Variants in IL4R observed in about 807,000 individuals in gnomAD.
The protein encoded by IL4R is interleukin-4 receptor subunit alpha.
IL4R carries 17 observed loss-of-function variants against 41.5 expected under a neutral mutation model. The ratio of observed to expected loss-of-function variants is 0.41; its 90% CI spans 0.28 to 0.61. The LOEUF is 0.61. Among genes scored for constraint, IL4R ranks in the 20% least tolerant of loss-of-function variants. The probability of loss-of-function intolerance (pLI) is 0.31; values close to 1 mark genes in which losing one functional copy is unlikely to be tolerated. For synonymous variants in IL4R, 402 were observed against 422.9 expected (o/e 0.95, Z 0.61); for missense variants, 974 against 1,043.1 (o/e 0.93, Z 0.91).
intron 10 of IL4R, 82 bp from the exon 11 acceptor site, chr16:27,362,150 AGACAGCCATCAGGACATGGT>A (rs2086317326): frequency 1.8e-6 from 2 of 1,088,824 alleles, no homozygotes; most frequent in Non-Finnish European, 2.7e-6. Flanking sequence ...TGTCTGAAGT[AGACAGCCATCAGGACATGGT>A]GATTTCAGGC....
chr16:27,340,553 T>A (rs2085408788), intron 3 of IL4R, among the ~76,000 whole-genome samples: 1 of 151,802 alleles, frequency 6.6e-6, no homozygotes, highest in Non-Finnish European at 1.5e-5. Flanking sequence ...GGAGACCTTG[T>A]CTCTACAAAT....
chr16:27,329,540 G>A (rs2085054857), intron 1 of IL4R, among the ~76,000 whole-genome samples: 1 of 151,892 alleles, frequency 6.6e-6, no homozygotes, highest in Non-Finnish European at 1.5e-5. Flanking sequence ...AGTTGGGTGT[G>A]GTGGCACACA....
At chr16:27,361,856 G>A (rs2086300864) in intron 10 of IL4R, among the ~76,000 whole-genome samples, 1 of 152,126 alleles carries the variant, frequency 6.6e-6, no homozygotes, top group Non-Finnish European at 1.5e-5. Flanking sequence ...CTGAGCTCAA[G>A]CGATCCTCCC....
At position 27,346,347 on chromosome 16, in the gene IL4R, G is replaced by A. The variant is rs2085642926; in HGVS notation, c.362-120G>A. 4 of 785,448 alleles carry A rather than the reference G, an allele frequency of 5.1e-6. No individual in the cohort carries two copies. In the Admixed American group the frequency reaches 6.6e-5, roughly 13 times the overall value. 48.7% of individuals were successfully genotyped at this position (785,448 alleles called of 1,614,324 possible). ...AATCTGTGTGGTGCTCCAGAAGTAT[G>A]CTATGGAGGTTTTGTCGACCAAAAA... On this transcript the variant is annotated intron_variant, in intron 5 of 10. Transcript: ENST00000395762.
At chr16:27,336,559 T>C (rs903927717) in intron 2 of IL4R, among the ~76,000 whole-genome samples, 1 of 151,366 alleles carries the variant, frequency 6.6e-6, no homozygotes, top group Non-Finnish European at 1.5e-5. Context: ...ACATCTGTGG[T>C]CCCAGCTACT....
At chr16:27,338,921 T>A (rs1004939024) in intron 2 of IL4R, among the ~76,000 whole-genome samples, 8 of 152,198 alleles carry the variant, frequency 5.3e-5, no homozygotes, top group African/African-American at 1.9e-4. Flanking sequence ...TGACGCGATC[T>A]CGACTCACTG....
chr16:27,342,480 G>A lies in IL4R; in HGVS notation c.209+221G>A, dbSNP rs114906480. Among the ~76,000 whole-genome samples, 1,108 of 152,204 alleles carry A rather than the reference G, an allele frequency of 7.3e-3. 13 individuals are homozygous for A. Among genetic ancestry groups the A allele is most frequent in the African/African-American group, 0.025 (1,040 of 41,490 alleles). On this transcript the variant is annotated intron_variant, in intron 4 of 10. Coordinates refer to ENST00000395762, the MANE Select transcript of IL4R (RefSeq NM_000418.4). Reference sequence around the variant, plus strand: ...TTGGTCCACGTGGCACATGGATACGGCTGGAATACTGGACTAGACCAGCAG... The same window carrying A: ...TTGGTCCACGTGGCACATGGATACGACTGGAATACTGGACTAGACCAGCAG...
intron 10 of IL4R, among the ~76,000 whole-genome samples, chr16:27,361,293 C>T (rs2086275538): frequency 6.6e-6 from 1 of 152,048 alleles, no homozygotes; most frequent in African/African-American, 2.4e-5. Context: ...TGTGCATTAC[C>T]ACGCCTGGCT....
intron 2 of IL4R, chr16:27,334,464 G>A (rs916031548): frequency 1.3e-5 from 2 of 152,114 alleles, no homozygotes; most frequent in East Asian, 3.9e-4. Context: ...TATCAATCCT[G>A]ACGCCATGCT....
chr16:27,340,286 T>C lies in IL4R; in HGVS notation c.70+13T>C, dbSNP rs2085399398. ...GTGGCAAGCTCTGGTAAGTCACCAC[T>C]TCTCAATCATTCATTTGTTGGCTAT... On this transcript the variant is annotated intron_variant, in intron 3 of 10. Transcript: ENST00000395762. The C allele has an allele frequency of 6.2e-7, 1 of 1,603,432 alleles. No homozygotes were observed. The highest frequency in any genetic ancestry group is 8.5e-7 in the Non-Finnish European group (1 of 1,170,366).
At chr16:27,327,824 T>C (rs9673499) in intron 1 of IL4R, among the ~76,000 whole-genome samples, 45,427 of 151,928 alleles carry the variant, frequency 0.3, 7,086 homozygotes, top group East Asian at 0.54. Flanking sequence ...TTGATTAATA[T>C]ATTGTAAGTA....
chr16:27,348,445 T>A (rs995743124), intron 6 of IL4R, among the ~76,000 whole-genome samples: 2 of 152,340 alleles, frequency 1.3e-5, no homozygotes, highest in African/African-American at 2.4e-5. Flanking sequence ...TATTTCTAGA[T>A]CTGCCTTCAG....
At chr16:27,341,371 A>T (rs573260635) in intron 3 of IL4R, 8 of 595,596 alleles carry the variant, frequency 1.3e-5, no homozygotes, top group Non-Finnish European at 2.1e-5. Flanking sequence ...TAAGCTTGGA[A>T]TATTTATTTG....
chr16:27,350,923 G>A (rs1485180725), intron 6 of IL4R, among the ~76,000 whole-genome samples: 1 of 152,176 alleles, frequency 6.6e-6, no homozygotes, highest in Admixed American at 6.6e-5. Context: ...AAGCAAATGT[G>A]TGTGTTCAGT....
At chr16:27,344,840 C>A (rs1256558756) in intron 4 of IL4R, 29 bp from the exon 5 acceptor site, 3 of 1,612,196 alleles carry the variant, frequency 1.9e-6, no homozygotes, top group Non-Finnish European at 2.5e-6. Flanking sequence ...CTACAGGTGA[C>A]CAGCCTAACC....
At chr16:27,350,368 C>G (rs1164865621) in intron 6 of IL4R, among the ~76,000 whole-genome samples, 2 of 152,128 alleles carry the variant, frequency 1.3e-5, no homozygotes, top group Non-Finnish European at 2.9e-5. Flanking sequence ...CCCCACAACT[C>G]ACACCCCACC....
Position 27,363,614 on chromosome 16 carries a change from C to T in IL4R, c.2262C>T (p.Pro754=). Residue 754 remains proline, a synonymous_variant, in exon 11 of 11, where the codon CCC becomes CCT. Transcript: ENST00000395762. ...CGCCCGDRSS[P]PTTPLRAPDP... ...GCTGCTGTGGAGACAGGTCCTCGCC[C>T]CCTACAACCCCCCTGAGGGCCCCAG... The T allele has an allele frequency of 6.2e-7, 1 of 1,613,956 alleles. No individual in the cohort carries two copies. Among genetic ancestry groups the T allele is most frequent in the Non-Finnish European group, 8.5e-7 (1 of 1,179,964 alleles).
intron 1 of IL4R, chr16:27,315,473 AC>A (rs991555710): frequency 6.6e-6 from 1 of 152,508 alleles, no homozygotes; most frequent in African/African-American, 2.4e-5. Context: ...GTGCGGATGC[AC>A]CAGCGGCTGC....
At chr16:27,336,152 A>G (rs577900428) in intron 2 of IL4R, among the ~76,000 whole-genome samples, 2 of 152,254 alleles carry the variant, frequency 1.3e-5, no homozygotes, top group Admixed American at 1.3e-4. Context: ...CTCCTAACCT[A>G]CTGAACGTTA....
Sources: gnomAD v4.1 joint callset for allele counts (sites outside exome capture counted in the v4.1 genomes callset) on GRCh38, gnomAD v4.1.1 for gene constraint, MANE v1.5 for transcripts, NCBI Gene and HGNC (gene_info 2026-07-23, HGNC 2026-07-21) for gene names.